Variants in ARSK observed in about 807,000 individuals in gnomAD.
ARSK encodes arylsulfatase family member K, also known as arylsulfatase K.
In ARSK, 37 loss-of-function variants were observed where a neutral mutation model predicts 53.2. The observed-to-expected ratio is 0.70, with a 90% CI of 0.54 to 0.92. The LOEUF is 0.92. ARSK is among the 40% of genes least tolerant of loss of function. The probability of loss-of-function intolerance (pLI) is 0.00; values close to 1 mark genes in which losing one functional copy is unlikely to be tolerated. For synonymous variants in ARSK, 208 were observed against 223.2 expected (o/e 0.93, Z 0.61); for missense variants, 613 against 643.0 (o/e 0.95, Z 0.51).
At chr5:95,559,805 T>G (rs1748595788) in intron 1 of ARSK, among the ~76,000 whole-genome samples, 1 of 152,178 alleles carries the variant, frequency 6.6e-6, no homozygotes, top group Non-Finnish European at 1.5e-5. Context: ...CAAGGATGTG[T>G]GTTCTCACCA....
intron 4 of ARSK, among the ~76,000 whole-genome samples, chr5:95,584,524 A>G (rs1749076244): frequency 6.6e-6 from 1 of 152,224 alleles, no homozygotes; most frequent in Admixed American, 6.5e-5. Context: ...TATTAAATCA[A>G]TTTTAAGTTA....
At chr5:95,600,489 G>A (rs926491015) in intron 6 of ARSK, 8 of 370,962 alleles carry the variant, frequency 2.2e-5, no homozygotes, top group African/African-American at 6.3e-5. Context: ...AAGGAATAGT[G>A]ATATTAACTA....
At chr5:95,589,232 C>T (rs923045277) in intron 5 of ARSK, among the ~76,000 whole-genome samples, 2 of 152,192 alleles carry the variant, frequency 1.3e-5, no homozygotes, top group Non-Finnish European at 2.9e-5. Context: ...TGTTTACCAT[C>T]TGTTTCCCTA....
At chr5:95,597,170 TTTA>T (rs1414593593) in intron 6 of ARSK, among the ~76,000 whole-genome samples, 6 of 152,210 alleles carry the variant, frequency 3.9e-5, no homozygotes, top group Admixed American at 6.5e-5. Flanking sequence ...TGTTTTGATT[TTTA>T]TTTTTAAGCT....
chr5:95,590,597 A>G (rs750603937), intron 5 of ARSK, among the ~76,000 whole-genome samples: 2 of 152,200 alleles, frequency 1.3e-5, no homozygotes, highest in Non-Finnish European at 2.9e-5. Flanking sequence ...AAATAACTCC[A>G]TAGAGCAGTG....
rs758359422 is a variant in ARSK, at chr5:95,603,280, A to T, written c.1365A>T (p.Lys455Asn). 74 of 1,592,460 alleles carry T rather than the reference A, an allele frequency of 4.6e-5. No individual in the cohort carries two copies. The highest frequency in any genetic ancestry group is 6.3e-5 in the Non-Finnish European group (74 of 1,171,132). ...DPDELTNVAV[K>N]FPEITYSLDQ... ...ATGAATTAACAAATGTTGCTGTAAAATTTCCAGAAATTACTTATTCTTTGG... is the reference window on the plus strand; with the variant it reads ...ATGAATTAACAAATGTTGCTGTAAATTTTCCAGAAATTACTTATTCTTTGG... The change falls in exon 8 of 8, where the codon AAA becomes AAT. Residue 455 changes from lysine to asparagine, a missense_variant. Lys to Asn is a moderately conservative substitution (Grantham distance 94). Transcript: ENST00000380009.
chr5:95,586,442 C>A, intron 4 of ARSK, 120 bp from the exon 5 acceptor site: 1 of 757,160 alleles, frequency 1.3e-6, no homozygotes, highest in Non-Finnish European at 2.2e-6. Flanking sequence ...TACATATTTA[C>A]ACTGTTCTTT....
intron 6 of ARSK, among the ~76,000 whole-genome samples, chr5:95,596,561 GA>G (rs1749311073): frequency 2.0e-5 from 3 of 151,972 alleles, no homozygotes; most frequent in African/African-American, 7.2e-5. Context: ...TTAAAATCCT[GA>G]AATGTCTGTT....
rs140174898 is a variant in ARSK, at chr5:95,601,493, T to C, written c.1321+422T>C. Among the ~76,000 whole-genome samples, 1,386 of 152,226 alleles carry C rather than the reference T, an allele frequency of 9.1e-3. 25 individuals carry two copies. Among genetic ancestry groups the C allele is most frequent in the African/African-American group, 0.031 (1,300 of 41,532 alleles). On this transcript the variant is annotated intron_variant, in intron 7 of 7. Transcript: ENST00000380009. ...CCATTATCCTCATTTTACAGAGGAG[T>C]CTATGAGAGAAATTTGGATACCTGT...
intron 1 of ARSK, among the ~76,000 whole-genome samples, chr5:95,559,096 G>A (rs1449340344): frequency 2.6e-5 from 4 of 152,130 alleles, no homozygotes; most frequent in African/African-American, 4.8e-5. Flanking sequence ...GAGCCGAGAC[G>A]TGCCATTGCA....
At chr5:95,565,661 C>T (rs1748713199) in intron 1 of ARSK, among the ~76,000 whole-genome samples, 1 of 152,136 alleles carries the variant, frequency 6.6e-6, no homozygotes, top group African/African-American at 2.4e-5. Flanking sequence ...GGGCCTAAGA[C>T]TCTGTTTTAT....
chr5:95,591,018 T>C (rs1749203322), intron 5 of ARSK, among the ~76,000 whole-genome samples: 1 of 152,306 alleles, frequency 6.6e-6, no homozygotes, highest in South Asian at 2.1e-4. Context: ...TCAGAGGTGA[T>C]ACCAATCTTT....
chr5:95,560,944 A>G (rs370315164), intron 1 of ARSK, among the ~76,000 whole-genome samples: 1 of 151,762 alleles, frequency 6.6e-6, no homozygotes, highest in East Asian at 1.9e-4. Context: ...AGCTGGGACT[A>G]CAGGTGCCCG....
At chr5:95,566,230 T>C in intron 2 of ARSK, 103 bp downstream of exon 2, 1 of 1,394,170 alleles carries the variant, frequency 7.2e-7, no homozygotes, top group South Asian at 1.4e-5. Flanking sequence ...GTATTTGGCC[T>C]CAATAAAATT....
In ARSK at chr5:95,555,502, A is replaced by G. The variant is rs1748478929; in HGVS notation, c.126+98A>G. On this transcript the variant is annotated intron_variant, in intron 1 of 7. Coordinates refer to ENST00000380009, the MANE Select transcript of ARSK (RefSeq NM_198150.3). This position sits in a 1 kb window ranked among gnomAD's most constrained non-coding sequence, Gnocchi z 4.0. ...GGCTTTGGGGAGCAGAACCTGAGAC[A>G]TTTTCAAACACCTTTTACCCCGATG... The G allele has an allele frequency of 2.3e-6, 3 of 1,303,146 alleles. No individual in the cohort carries two copies. Among genetic ancestry groups the G allele is most frequent in the Non-Finnish European group, 3.1e-6 (3 of 976,658 alleles). The allele number at this position is 1,303,146 out of a possible 1,614,324, so 80.7% of individuals were successfully genotyped here. A position where few individuals can be genotyped will look rare whatever the true frequency, so the allele number is the denominator to read the frequency against.
chr5:95,575,094 A>T (rs755539254), intron 3 of ARSK, among the ~76,000 whole-genome samples: 6 of 152,270 alleles, frequency 3.9e-5, no homozygotes, highest in Non-Finnish European at 7.4e-5. Context: ...CATTTATTGA[A>T]GAGACTGTTC....
At chr5:95,597,904 A>AG (rs1554055434) in intron 6 of ARSK, among the ~76,000 whole-genome samples, 21 of 136,672 alleles carry the variant, frequency 1.5e-4, no homozygotes, top group African/African-American at 4.9e-4. Context: ...AAAAAAAAAA[A>AG]GTGGGGGGCG....
chr5:95,571,104 C>CTTTGG (rs1325269117), intron 3 of ARSK, among the ~76,000 whole-genome samples: 1 of 152,166 alleles, frequency 6.6e-6, no homozygotes, highest in East Asian at 1.9e-4. Context: ...TTCTAAAGTG[C>CTTTGG]TTTGCATTGC....
At chr5:95,591,705 C>A in intron 6 of ARSK, 80 bp downstream of exon 6, 1 of 1,396,206 alleles carries the variant, frequency 7.2e-7, no homozygotes, top group South Asian at 1.2e-5. Flanking sequence ...GTCAGTCTTT[C>A]AGTTAGTAGT....
Sources: allele counts gnomAD v4.1 joint callset (sites outside exome capture counted in the v4.1 genomes callset), GRCh38; gene constraint gnomAD v4.1.1; non-coding constraint Gnocchi (gnomAD v3.1); transcripts MANE v1.5; gene names NCBI Gene and HGNC (gene_info 2026-07-23, HGNC 2026-07-21).